TRHDE: variants seen among roughly 807,000 people sequenced by gnomAD.
TRHDE encodes the protein thyrotropin-releasing hormone-degrading ectoenzyme.
In TRHDE, 72 loss-of-function variants were observed where a neutral mutation model predicts 125.7. The ratio of observed to expected loss-of-function variants is 0.57; its 90% CI spans 0.47 to 0.70. The LOEUF is 0.70. Ranked by LOEUF, TRHDE falls within the 30% of genes least tolerant of loss-of-function variation. The probability of loss-of-function intolerance (pLI) is 0.00; values close to 1 mark genes in which losing one functional copy is unlikely to be tolerated. For synonymous variants in TRHDE, 509 were observed against 509.1 expected (o/e 1.00, Z 0.00); for missense variants, 1,110 against 1,327.1 (o/e 0.84, Z 2.54).
intron 7 of TRHDE, among the ~76,000 whole-genome samples, chr12:72,543,736 T>C (rs1869268432): frequency 6.6e-6 from 1 of 150,768 alleles, no homozygotes. Flanking sequence ...TGTGTATGGA[T>C]TTGCTCAGCA....
At chr12:72,611,847 G>A (rs1239414118) in intron 12 of TRHDE, among the ~76,000 whole-genome samples, 2 of 152,104 alleles carry the variant, frequency 1.3e-5, no homozygotes, top group African/African-American at 2.4e-5. Flanking sequence ...GTGAAATAAG[G>A]CATTTTAAAA....
At chr12:72,300,733 G>GCATA (rs1215524628) in intron 2 of TRHDE, among the ~76,000 whole-genome samples, 1 of 151,680 alleles carries the variant, frequency 6.6e-6, no homozygotes, top group Non-Finnish European at 1.5e-5. Context: ...ATGGTACATA[G>GCATA]CATAGCACAG....
At chr12:72,421,692 T>C (rs1873962407) in intron 3 of TRHDE, among the ~76,000 whole-genome samples, 1 of 152,186 alleles carries the variant, frequency 6.6e-6, no homozygotes, top group Non-Finnish European at 1.5e-5. Flanking sequence ...TGAAAAAATA[T>C]CTGCCACACT....
chr12:72,555,115 T>C (rs1485023942), intron 7 of TRHDE, among the ~76,000 whole-genome samples: 1 of 152,222 alleles, frequency 6.6e-6, no homozygotes, highest in Non-Finnish European at 1.5e-5. Context: ...AAAATATACT[T>C]ATTCTTACAA....
At chr12:72,621,566 T>A in intron 14 of TRHDE, 78 bp from the exon 15 acceptor site, 1 of 1,065,264 alleles carries the variant, frequency 9.4e-7, no homozygotes, top group Non-Finnish European at 1.4e-6. Flanking sequence ...TTTATGTTAA[T>A]AATTTACTTA....
chr12:72,551,584 A>T (rs1481973355), intron 7 of TRHDE, among the ~76,000 whole-genome samples: 1 of 152,072 alleles, frequency 6.6e-6, no homozygotes, highest in Non-Finnish European at 1.5e-5. Context: ...CCACCATTTG[A>T]CATGTCCAGT....
At position 72,517,951 on chromosome 12, in the gene TRHDE, G is replaced by A. The variant is rs201884211; in HGVS notation, c.1722+18316G>A. On this transcript the variant is annotated intron_variant, in intron 6 of 18. Transcript: ENST00000261180. ...TTGTTCAGTTTCCATGTAATTGAGC[G>A]GTTTTGAGTGAGATTCTTAATCCTG... Among the ~76,000 whole-genome samples, 229 of 151,836 alleles carry A rather than the reference G, an allele frequency of 1.5e-3. 4 individuals are homozygous for A. In the East Asian group the frequency reaches 0.038, roughly 25 times the overall value.
chr12:72,104,997 C>G (rs1875151628), intron 1 of TRHDE, among the ~76,000 whole-genome samples: 1 of 152,154 alleles, frequency 6.6e-6, no homozygotes, highest in African/African-American at 2.4e-5. Flanking sequence ...CACACTAATG[C>G]AGCTCAATGA....
chr12:72,281,080 A>C (rs927059486), intron 1 of TRHDE, among the ~76,000 whole-genome samples: 11 of 152,212 alleles, frequency 7.2e-5, no homozygotes, highest in Non-Finnish European at 1.5e-4. Context: ...ACAATTATGA[A>C]TATTATGCTC....
chr12:72,420,764 G>T (rs902593900), intron 3 of TRHDE, among the ~76,000 whole-genome samples: 3 of 152,198 alleles, frequency 2.0e-5, no homozygotes, highest in African/African-American at 7.2e-5. Flanking sequence ...CATGTTTAGG[G>T]CATCAAATGT....
chr12:72,319,712 G>T (rs886659771), intron 2 of TRHDE, among the ~76,000 whole-genome samples: 31 of 152,148 alleles, frequency 2.0e-4, no homozygotes, highest in African/African-American at 7.5e-4. Flanking sequence ...TATGCTGGCA[G>T]CTTGCACTGA....
intron 2 of TRHDE, among the ~76,000 whole-genome samples, chr12:72,212,750 C>T (rs1160086436): frequency 2.6e-5 from 4 of 152,072 alleles, no homozygotes; most frequent in Admixed American, 2.6e-4. Flanking sequence ...TACAATGGCA[C>T]AACCACTTTG....
rs1868360891 is a variant in TRHDE, at chr12:72,527,657, A to AATT, written c.1723-14632_1723-14631insTAT. On this transcript the variant is annotated intron_variant, in intron 6 of 18. Coordinates refer to ENST00000261180, the MANE Select transcript of TRHDE (RefSeq NM_013381.3). ...TACGAAGAAGAGACAGATTCAAGAA[A>AATT]ATATTATTTTCGTAAGAATCACATT... 2.0e-5 allele frequency among the ~76,000 whole-genome samples: 3 copies of AATT among 151,924 alleles called. No individual in the cohort carries two copies. The East Asian group carries it at 5.8e-4, about 29-fold the overall frequency.
chr12:72,320,072 C>A (rs1046166595), intron 2 of TRHDE, among the ~76,000 whole-genome samples: 1 of 151,948 alleles, frequency 6.6e-6, no homozygotes, highest in Non-Finnish European at 1.5e-5. Context: ...GTTATTTTAT[C>A]TACCCTACTT....
chr12:72,549,233 A>G (rs1869560139), intron 7 of TRHDE, among the ~76,000 whole-genome samples: 1 of 151,878 alleles, frequency 6.6e-6, no homozygotes, highest in Non-Finnish European at 1.5e-5. Context: ...AACATACTCA[A>G]TAACTTGTGT....
chr12:72,652,550 C>T (rs1874548777), intron 16 of TRHDE, 61 bp downstream of exon 16: 2 of 1,363,882 alleles, frequency 1.5e-6, no homozygotes, highest in African/African-American at 1.5e-5. Flanking sequence ...AATCAAATTG[C>T]TCTGAAGTTG....
intron 15 of TRHDE, among the ~76,000 whole-genome samples, chr12:72,635,331 C>T (rs1488689272): frequency 6.6e-6 from 1 of 152,100 alleles, no homozygotes; most frequent in East Asian, 1.9e-4. Context: ...TGTCCTTTGC[C>T]TACTTTTTGA....
intron 2 of TRHDE, among the ~76,000 whole-genome samples, chr12:72,368,008 T>C (rs913925662): frequency 2.2e-4 from 34 of 152,322 alleles, no homozygotes; most frequent in African/African-American, 7.7e-4. Context: ...TGCACTACTG[T>C]TGTAAATGTT....
At chr12:72,110,491 A>G (rs139771058) in intron 2 of TRHDE, among the ~76,000 whole-genome samples, 10 of 152,076 alleles carry the variant, frequency 6.6e-5, no homozygotes, top group African/African-American at 2.4e-4. Context: ...GAATCTGAGG[A>G]TATGGTTTAT....
Sources: allele counts gnomAD v4.1 joint callset (sites outside exome capture counted in the v4.1 genomes callset), GRCh38; gene constraint gnomAD v4.1.1; transcripts MANE v1.5; gene names NCBI Gene and HGNC (gene_info 2026-07-23, HGNC 2026-07-21).